Variants in GPS1 observed in about 807,000 individuals in gnomAD.
The protein encoded by GPS1 is G protein pathway suppressor 1.
Under a neutral mutation model 60.0 loss-of-function variants are expected in GPS1, and 11 were observed. The observed-to-expected ratio is 0.18, with a 90% CI of 0.12 to 0.30. The LOEUF is 0.30. GPS1 is among the 10% of genes least tolerant of loss of function. The pLI, the probability that GPS1 is intolerant of heterozygous loss-of-function variation, is 1.00. For missense variants in GPS1, 543 were observed against 669.2 expected (o/e 0.81, Z 2.08); for synonymous variants, 343 against 269.8 (o/e 1.27, Z -2.66).
At chr17:82,052,365 C>T (rs1234429765) in intron 1 of GPS1, 4 of 1,612,588 alleles carry the variant, frequency 2.5e-6, no homozygotes, top group Non-Finnish European at 8.5e-7. Flanking sequence ...CTGTACTGCA[C>T]CCCTCACAGC....
At chr17:82,051,376 C>T, upstream of GPS1, 1 of 1,447,592 alleles carries the variant, frequency 6.9e-7, no homozygotes, top group East Asian at 2.8e-5. The surrounding 1 kb of genome is among the most constrained non-coding windows in gnomAD (Gnocchi z 4.1). Context: ...GCTTCTGGGG[C>T]GCTGCCCAGG....
intron 5 of GPS1, 66 bp from the exon 6 acceptor site, chr17:82,055,096 G>C: frequency 1.3e-6 from 2 of 1,570,262 alleles, no homozygotes; most frequent in Non-Finnish European, 1.7e-6. Context: ...TCTCAGTCTG[G>C]GGGCTGGGCA....
chr17:82,053,147 G>A (rs1055765655), intron 1 of GPS1, 127 bp from the exon 2 acceptor site: 1 of 639,090 alleles, frequency 1.6e-6, no homozygotes, highest in Non-Finnish European at 2.4e-6. Flanking sequence ...GGACAGCAGC[G>A]GCGGGAGTGT....
At chr17:82,055,649 G>C (rs1033774983) in intron 6 of GPS1, 91 bp from the exon 7 acceptor site, 1 of 867,902 alleles carries the variant, frequency 1.2e-6, no homozygotes, top group Non-Finnish European at 1.8e-6. Context: ...TGGTGGTCGC[G>C]TTCTCCCTGG....
intron 2 of GPS1, 163 bp downstream of exon 2, chr17:82,053,529 C>G (rs957058031): frequency 1.8e-6 from 1 of 550,380 alleles, no homozygotes; most frequent in Non-Finnish European, 3.1e-6. Context: ...TGCGCACTCA[C>G]ATGAGGCTTG....
chr17:82,055,409 G>C (rs886295346), intron 6 of GPS1, 187 bp downstream of exon 6: 1 of 668,274 alleles, frequency 1.5e-6, no homozygotes, highest in Non-Finnish European at 2.7e-6. Context: ...AGTGGGTGAC[G>C]TGTGGTCAGG....
At chr17:82,051,610 G>A (rs2030616638), upstream of GPS1, 2 of 1,251,396 alleles carry the variant, frequency 1.6e-6, no homozygotes, top group Non-Finnish European at 1.0e-6. This position sits in a 1 kb window ranked among gnomAD's most constrained non-coding sequence, Gnocchi z 4.1. Context: ...CGCAGGCTGG[G>A]GGCAGCGGGC....
chr17:82,053,645 G>A (rs1442147172), intron 2 of GPS1: 10 of 561,504 alleles, frequency 1.8e-5, no homozygotes, highest in Middle Eastern at 9.2e-4. Context: ...GAAAGCCCCC[G>A]GGTGCAGGGT....
chr17:82,054,088 C>T, intron 3 of GPS1, 39 bp downstream of exon 3: 2 of 1,565,250 alleles, frequency 1.3e-6, no homozygotes, highest in Non-Finnish European at 1.7e-6. Flanking sequence ...CAGAGGCCAC[C>T]AAGGGAGCGC....
At chr17:82,053,482 G>T in intron 2 of GPS1, 116 bp downstream of exon 2, 1 of 745,780 alleles carries the variant, frequency 1.3e-6, no homozygotes, top group East Asian at 3.3e-5. Context: ...GATCGCTGTC[G>T]TCTTTTTCTG....
chr17:82,053,504 A>G (rs933617891), intron 2 of GPS1, 138 bp downstream of exon 2: 1 of 622,416 alleles, frequency 1.6e-6, no homozygotes, highest in East Asian at 3.4e-5. Context: ...CCCCGAAACC[A>G]TCAGCGTTTC....
chr17:82,057,399 G>A lies in GPS1; in HGVS notation c.*272G>A, dbSNP rs2033066022. On this transcript the variant is annotated 3_prime_UTR_variant, in exon 13 of 13. Transcript: ENST00000578552. The stretch of plus-strand genomic sequence containing the variant: ...CCAGGCCCAGTGGCACCATTTCCCA[G>A]ACCCCTCCTGTTCCCGCCTCAGTCA... 7.6e-6 allele frequency: 5 copies of A among 655,030 alleles called. No homozygotes were observed. The highest frequency in any genetic ancestry group is 1.4e-5 in the Non-Finnish European group (5 of 353,774). 40.6% of individuals were successfully genotyped at this position (655,030 alleles called of 1,614,324 possible).
chr17:82,054,817 C>T lies in GPS1; in HGVS notation c.609+7C>T, dbSNP rs758138640. On this transcript the variant is annotated splice_region_variant and intron_variant, in intron 4 of 12. Transcript: ENST00000578552. ...GTGCCTCAATGTCATCAAGGTCGGC[C>T]TGCCTCGGCGGGCGGGGGTGGGCAG... 6.3e-7 allele frequency: 1 copy of T among 1,589,012 alleles called. No individual in the cohort carries two copies. The highest frequency in any genetic ancestry group is 8.6e-7 in the Non-Finnish European group (1 of 1,165,318).
chr17:82,056,573 C>T (rs1392901025), intron 10 of GPS1, 23 bp downstream of exon 10: 1 of 1,612,492 alleles, frequency 6.2e-7, no homozygotes, highest in South Asian at 1.1e-5. Context: ...GTCAGGCTGG[C>T]ACACGGCAGG....
upstream of GPS1, chr17:82,051,800 G>A: frequency 1.8e-6 from 2 of 1,129,048 alleles, no homozygotes; most frequent in Non-Finnish European, 1.1e-6. This position sits in a 1 kb window ranked among gnomAD's most constrained non-coding sequence, Gnocchi z 4.1. Flanking sequence ...TGCGAGCGGA[G>A]AACCTGGCCG....
In GPS1 at chr17:82,055,156, C is replaced by T. The variant is rs2032256269; in HGVS notation, c.688-6C>T. The T allele has an allele frequency of 7.0e-6, 11 of 1,564,826 alleles. No individual in the cohort carries two copies. The highest frequency in any genetic ancestry group is 8.7e-6 in the Non-Finnish European group (10 of 1,154,838). On this transcript the variant is annotated splice_region_variant and splice_polypyrimidine_tract_variant and intron_variant, in intron 5 of 12. Coordinates refer to ENST00000578552, the MANE Select transcript of GPS1 (RefSeq NM_001321092.3). Reference sequence around the variant, plus strand: ...TGGGCCTCACGCATGTGGCTTCCTCCTACAGCAGCGAGGAGAGCGTGACAG... The same window carrying T: ...TGGGCCTCACGCATGTGGCTTCCTCTTACAGCAGCGAGGAGAGCGTGACAG...
chr17:82,051,483 G>T, upstream of GPS1: 1 of 1,364,720 alleles, frequency 7.3e-7, no homozygotes, highest in South Asian at 1.8e-5. This position sits in a 1 kb window ranked among gnomAD's most constrained non-coding sequence, Gnocchi z 4.1. Context: ...CGCCGTCGGG[G>T]TCGGGGTCCG....
intron 5 of GPS1, 62 bp downstream of exon 5, chr17:82,055,037 G>A (rs2032205986): frequency 2.5e-6 from 4 of 1,602,804 alleles, no homozygotes; most frequent in Non-Finnish European, 3.4e-6. Flanking sequence ...GGCCCCTCCT[G>A]TCCTCCCCCA....
At position 82,056,783 on chromosome 17, in the gene GPS1, G is replaced by A. The variant is rs1010810577; in HGVS notation, c.1254+17G>A. 12 of 1,602,450 alleles carry A rather than the reference G, an allele frequency of 7.5e-6. No homozygotes were observed. The highest frequency in any genetic ancestry group is 1.7e-5 in the Admixed American group (1 of 59,322). ...CACAGCAAGGTGGCTGTGGGCTGCGGGGCGGTGGGGGCAGCTGGGGGTGAG... is the reference window on the plus strand; with the variant it reads ...CACAGCAAGGTGGCTGTGGGCTGCGAGGCGGTGGGGGCAGCTGGGGGTGAG... On this transcript the variant is annotated intron_variant, in intron 11 of 12. Coordinates refer to ENST00000578552, the MANE Select transcript of GPS1 (RefSeq NM_001321092.3).
Sources: allele counts gnomAD v4.1 joint callset, GRCh38; gene constraint gnomAD v4.1.1; non-coding constraint Gnocchi (gnomAD v3.1); transcripts MANE v1.5; gene names NCBI Gene and HGNC (gene_info 2026-07-23, HGNC 2026-07-21).